CALD1: variants seen among roughly 807,000 people sequenced by gnomAD.
The protein encoded by CALD1 is caldesmon 1.
In CALD1, 33 loss-of-function variants were observed where a neutral mutation model predicts 99.9. The ratio of observed to expected loss-of-function variants is 0.33; its 90% CI spans 0.25 to 0.44. The LOEUF (loss-of-function observed/expected upper bound fraction) is 0.44. Ranked by LOEUF, CALD1 falls within the 20% of genes least tolerant of loss-of-function variation. The pLI is 1.00. For synonymous variants in CALD1, 310 were observed against 325.0 expected, an observed-to-expected ratio of 0.95 and a Z score of 0.50; for missense variants, 861 against 962.1, an observed-to-expected ratio of 0.89 and a Z score of 1.39.
chr7:134,791,514 G>C (rs1431541339), intron 1 of CALD1, among the ~76,000 whole-genome samples: 1 of 152,082 alleles, frequency 6.6e-6, no homozygotes, highest in Non-Finnish European at 1.5e-5. Context: ...TAGAATGCAG[G>C]CTCAGTAACC....
intron 9 of CALD1, among the ~76,000 whole-genome samples, chr7:134,950,854 G>C (rs998335196): frequency 6.6e-6 from 1 of 152,176 alleles, no homozygotes; most frequent in African/African-American, 2.4e-5. Context: ...AGCTACTTGG[G>C]AGGCTTAGGC....
At chr7:134,884,771 TAACTAAC>T (rs1801775373) in intron 3 of CALD1, among the ~76,000 whole-genome samples, 1 of 152,158 alleles carries the variant, frequency 6.6e-6, no homozygotes, top group Non-Finnish European at 1.5e-5. Context: ...ATCTGCTATA[TAACTAAC>T]ACCCTCCTAG....
intron 1 of CALD1, among the ~76,000 whole-genome samples, chr7:134,768,919 G>T (rs1796853790): frequency 6.6e-6 from 1 of 151,892 alleles, no homozygotes; most frequent in Non-Finnish European, 1.5e-5. Flanking sequence ...ATTCTTAAAT[G>T]ATTCATACAA....
At chr7:134,854,326 C>T (rs1800208152) in intron 2 of CALD1, among the ~76,000 whole-genome samples, 1 of 152,204 alleles carries the variant, frequency 6.6e-6, no homozygotes, top group African/African-American at 2.4e-5. Flanking sequence ...TACACTCCCA[C>T]CAACAGTGTA....
intron 3 of CALD1, among the ~76,000 whole-genome samples, chr7:134,918,235 G>C (rs1220846198): frequency 6.6e-6 from 1 of 152,136 alleles, no homozygotes; most frequent in Non-Finnish European, 1.5e-5. Context: ...CATTTTATTT[G>C]TACTGAATAT....
At chr7:134,855,641 G>T (rs1264051296) in intron 2 of CALD1, among the ~76,000 whole-genome samples, 1 of 152,212 alleles carries the variant, frequency 6.6e-6, no homozygotes, top group Admixed American at 6.5e-5. Context: ...GCCACATGTA[G>T]TTCTTGGAAC....
At chr7:134,779,532 A>G (rs188794678), upstream of CALD1, 656 of 395,366 alleles carry the variant, frequency 1.7e-3, 3 homozygotes, top group African/African-American at 0.012. Flanking sequence ...GACAATGCAT[A>G]CCACCGCCTC....
At chr7:134,875,054 C>T (rs1801284184) in intron 3 of CALD1, among the ~76,000 whole-genome samples, 1 of 152,120 alleles carries the variant, frequency 6.6e-6, no homozygotes, top group South Asian at 2.1e-4. Context: ...CATTATTTTC[C>T]ATTAAGAAGT....
intron 1 of CALD1, among the ~76,000 whole-genome samples, chr7:134,841,734 G>A (rs952399125): frequency 6.6e-6 from 1 of 152,148 alleles, no homozygotes; most frequent in Admixed American, 6.6e-5. Flanking sequence ...TGTGGGGATC[G>A]TTTTTTGGTA....
intron 4 of CALD1, among the ~76,000 whole-genome samples, chr7:134,932,641 A>G (rs1036830969): frequency 6.6e-6 from 1 of 152,224 alleles, no homozygotes; most frequent in African/African-American, 2.4e-5. Context: ...AAACTCTGAG[A>G]TCCAGTGTGG....
At chr7:134,895,515 T>C (rs1157101391) in intron 3 of CALD1, among the ~76,000 whole-genome samples, 2 of 152,200 alleles carry the variant, frequency 1.3e-5, no homozygotes, top group Admixed American at 6.5e-5. Context: ...AGTTATTATG[T>C]GATGTCTTCC....
At chr7:134,827,896 G>A (rs772933127) in intron 1 of CALD1, among the ~76,000 whole-genome samples, 26 of 152,050 alleles carry the variant, frequency 1.7e-4, no homozygotes, top group Admixed American at 3.9e-4. Context: ...AACCCAACAA[G>A]GGCAACATAT....
At chr7:134,812,116 G>A (rs1217803209) in intron 1 of CALD1, among the ~76,000 whole-genome samples, 2 of 152,052 alleles carry the variant, frequency 1.3e-5, no homozygotes, top group African/African-American at 4.8e-5. Flanking sequence ...TCTTCCCTAG[G>A]GTTTGGAGGT....
chr7:134,767,288 TCA>T (rs748510009), intron 1 of CALD1, among the ~76,000 whole-genome samples: 4 of 152,186 alleles, frequency 2.6e-5, no homozygotes, highest in Middle Eastern at 3.4e-3. Context: ...CGCATCTATA[TCA>T]CACAGTTTGC....
chr7:134,815,208 G>A (rs1473858679), intron 1 of CALD1, among the ~76,000 whole-genome samples: 1 of 152,074 alleles, frequency 6.6e-6, no homozygotes, highest in East Asian at 1.9e-4. Context: ...AAGTGGGTTA[G>A]AACCCAACAC....
the CALD1 span, among the ~76,000 whole-genome samples, chr7:134,715,109 CA>C: frequency 2.6e-5 from 4 of 152,278 alleles, no homozygotes; most frequent in East Asian, 7.7e-4. Flanking sequence ...TCCACAAATA[CA>C]AAACTCTAGC....
chr7:134,933,946 G>C lies in CALD1; in HGVS notation c.1177G>C (p.Glu393Gln). Residue 393 changes from glutamate (E) to glutamine (Q), a missense_variant, in exon 5 of 15, where the codon GAA becomes CAA. By Grantham distance (29) the Glu-to-Gln change is conservative. Around this residue, in one of 5 missense-constraint regions of CALD1, gnomAD observed 293 missense variants for 262.7 expected, o/e 1.12. Transcript: ENST00000361675. The stretch of plus-strand genomic sequence containing the variant: ...AGAGCAGAAACGTAACAAGCAGCTA[G>C]AAGAGAAAAAACATGCCATGCAAGA... Reference protein sequence around the residue: ...VEEQKRNKQLEEKKHAMQETK... With the variant: ...VEEQKRNKQLQEKKHAMQETK... The C allele has an allele frequency of 1.2e-6, 2 of 1,614,058 alleles. No individual in the cohort carries two copies. The highest frequency in any genetic ancestry group is 1.7e-6 in the Non-Finnish European group (2 of 1,179,960).
chr7:134,795,786 T>A (rs1246461101), intron 1 of CALD1, among the ~76,000 whole-genome samples: 1 of 152,064 alleles, frequency 6.6e-6, no homozygotes, highest in African/African-American at 2.4e-5. Context: ...TTTATGAAGA[T>A]CGATGGTAAC....
Position 134,867,608 on chromosome 7 carries a change from C to T in CALD1, c.-41-85C>T, listed in dbSNP as rs776815799. 7 of 510,478 alleles carry T rather than the reference C, an allele frequency of 1.4e-5. 1 individual carries two copies. The highest frequency in any genetic ancestry group is 2.1e-5 in the Non-Finnish European group (6 of 285,298). 31.6% of individuals were successfully genotyped at this position (510,478 alleles called of 1,614,324 possible). ...GAGTAAAGAAAAATCAGGAGAATGA[C>T]AAATGGGAAAGAGGGCCCATAGTAA... On this transcript the variant is annotated intron_variant, in intron 2 of 14. Transcript: ENST00000361675.
Sources: allele counts gnomAD v4.1 joint callset (sites outside exome capture counted in the v4.1 genomes callset), GRCh38; gene constraint gnomAD v4.1.1; regional missense constraint gnomAD v4.1.1; transcripts MANE v1.5; gene names NCBI Gene and HGNC (gene_info 2026-07-23, HGNC 2026-07-21).